The following NEBL variants were observed in gnomAD, a reference collection of about 807,000 sequenced individuals.
NEBL encodes the protein LIM and SH3 protein 2.
Under a neutral mutation model 140.2 loss-of-function variants are expected in NEBL, and 122 were observed. The ratio of observed to expected loss-of-function variants is 0.87; its 90% CI spans 0.75 to 1.01. The LOEUF is 1.01. Ranked by LOEUF, NEBL falls within the 50% of genes least tolerant of loss-of-function variation. The pLI is 0.00. For missense variants in NEBL, 1,365 were observed against 1,231.3 expected, an observed-to-expected ratio of 1.11 and a Z score of -1.62; for synonymous variants, 436 against 398.9, an observed-to-expected ratio of 1.09 and a Z score of -1.11.
chr10:20,823,162 T>C, intron 19 of NEBL, 46 bp downstream of exon 19: 6 of 1,366,272 alleles, frequency 4.4e-6, no homozygotes, highest in Non-Finnish European at 6.2e-6. Context: ...CATTACGTGT[T>C]GATATACAAT....
rs577522150 is a variant in NEBL, at chr10:20,957,486, C to T, written c.357+4186G>A. ...TAGCAAAAAAGGATATTTGGGAAAG[C>T]GGACAGATAATTAAAATTGTGAACA... On this transcript the variant is annotated intron_variant, in intron 4 of 6. Coordinates refer to the NEBL transcript ENST00000417816. Among the ~76,000 whole-genome samples, 7 of 151,966 alleles carry T rather than the reference C, an allele frequency of 4.6e-5. No homozygotes were observed. In the East Asian group the frequency reaches 9.7e-4, roughly 21 times the overall value.
chr10:21,111,137 A>G (rs1250473878), intron 2 of NEBL, among the ~76,000 whole-genome samples: 1 of 152,234 alleles, frequency 6.6e-6, no homozygotes, highest in African/African-American at 2.4e-5. Context: ...ATGGATAAGA[A>G]GAATCAATAT....
intron 10 of NEBL, among the ~76,000 whole-genome samples, chr10:20,851,330 C>A (rs943745406): frequency 1.3e-5 from 2 of 151,772 alleles, no homozygotes; most frequent in Admixed American, 6.6e-5. Flanking sequence ...TAATTCAACC[C>A]AAGAGAAATT....
At position 21,049,432 on chromosome 10, in the gene NEBL, G is replaced by T. The variant is rs534520615; in HGVS notation, c.165-29231C>A. ...TAGCAAAATTATTTATTCTAACCAA[G>T]CTCATAAGAAGATTGATTACACGTC... is the stretch of plus-strand genomic sequence containing the variant. On this transcript the variant is annotated intron_variant, in intron 2 of 6. Coordinates refer to the NEBL transcript ENST00000417816. 1.7e-3 allele frequency among the ~76,000 whole-genome samples: 262 copies of T among 152,242 alleles called. 2 individuals are homozygous for T. The highest frequency in any genetic ancestry group is 5.7e-3 in the African/African-American group (236 of 41,554).
Position 21,213,232 on chromosome 10 carries a change from T to G in NEBL, n.348+34689A>C, listed in dbSNP as rs1308720141. 4.6e-5 allele frequency among the ~76,000 whole-genome samples: 7 copies of G among 152,204 alleles called. No homozygotes were observed. The East Asian group carries it at 1.3e-3, about 29-fold the overall frequency. ...GATAAGCTTGACAGGCAAATTTCAG[T>G]TGATGGTTCAGTTTCCTTGAACTTG... On this transcript the variant is annotated intron_variant and non_coding_transcript_variant, in intron 3 of 8. Transcript: ENST00000675702.
At chr10:21,055,486 C>A (rs1372108145) in intron 2 of NEBL, among the ~76,000 whole-genome samples, 1 of 152,158 alleles carries the variant, frequency 6.6e-6, no homozygotes, top group Non-Finnish European at 1.5e-5. Context: ...GATCGTGTGA[C>A]ATAAATGAAA....
chr10:21,008,915 A>C (rs967670442), intron 3 of NEBL, among the ~76,000 whole-genome samples: 2 of 151,518 alleles, frequency 1.3e-5, no homozygotes, highest in African/African-American at 4.8e-5. Context: ...ATCTACATAC[A>C]TGTATATTAC....
chr10:21,189,752 C>T (rs1276309162), intron 3 of NEBL, among the ~76,000 whole-genome samples: 1 of 152,206 alleles, frequency 6.6e-6, no homozygotes, highest in East Asian at 1.9e-4. Context: ...CAGGCATGAG[C>T]CACCGCGCCT....
At chr10:21,197,907 C>T (rs189050498) in intron 3 of NEBL, among the ~76,000 whole-genome samples, 2 of 152,224 alleles carry the variant, frequency 1.3e-5, no homozygotes, top group East Asian at 1.9e-4. Context: ...AATTCCATTC[C>T]TCCAGCCCCT....
rs150136407 is a variant in NEBL at position 21,090,479 on chromosome 10, T to C, written c.165-70278A>G. Among the ~76,000 whole-genome samples the C allele has an allele frequency of 6.1e-3, 925 of 152,348 alleles. 5 individuals carry two copies. Among genetic ancestry groups the C allele is most frequent in the Middle Eastern group, 0.017 (5 of 294 alleles). On this transcript the variant is annotated intron_variant, in intron 2 of 6. Transcript: ENST00000417816. ...TATACAGGAGGATGCGTGTAGGTTATATGAAAACACTTTGCCATTTTATGT... is the reference window on the plus strand; with the variant it reads ...TATACAGGAGGATGCGTGTAGGTTACATGAAAACACTTTGCCATTTTATGT...
At chr10:21,073,003 A>G (rs1835888747) in intron 2 of NEBL, among the ~76,000 whole-genome samples, 1 of 151,926 alleles carries the variant, frequency 6.6e-6, no homozygotes, top group South Asian at 2.1e-4. Context: ...AAAAAGAAAA[A>G]GGGAGAGAGA....
chr10:21,175,383 G>A (rs993344917), upstream of NEBL, among the ~76,000 whole-genome samples: 1 of 152,302 alleles, frequency 6.6e-6, no homozygotes, highest in Non-Finnish European at 1.5e-5. Context: ...AGTCAGCTAG[G>A]ATTATTATAA....
At chr10:20,897,586 C>T, upstream of NEBL, 1 of 1,031,438 alleles carries the variant, frequency 9.7e-7, no homozygotes, top group Non-Finnish European at 1.2e-6. Context: ...GAAAACTACT[C>T]AGCTCTAACA....
chr10:20,937,155 C>G (rs552414963), intron 4 of NEBL, among the ~76,000 whole-genome samples: 2 of 152,198 alleles, frequency 1.3e-5, no homozygotes, highest in Non-Finnish European at 2.9e-5. Flanking sequence ...CCATGCTAAA[C>G]TGGTTTTCCC....
intron 2 of NEBL, among the ~76,000 whole-genome samples, chr10:21,026,528 T>C (rs1340363378): frequency 6.6e-6 from 1 of 152,236 alleles, no homozygotes; most frequent in African/African-American, 2.4e-5. Flanking sequence ...CCTTAATCTT[T>C]TGCCATATTC....
chr10:21,205,606 T>G (rs770811801), intron 3 of NEBL, among the ~76,000 whole-genome samples: 1 of 152,122 alleles, frequency 6.6e-6, no homozygotes, highest in Non-Finnish European at 1.5e-5. Context: ...TGGACAAAAT[T>G]CTGAAAGAAT....
chr10:21,202,461 C>CTTTTTTTTT lies in NEBL; in HGVS notation n.349-29993_349-29985dup, dbSNP rs35623208. 3.5e-3 allele frequency among the ~76,000 whole-genome samples: 407 copies of CTTTTTTTTT among 117,280 alleles called. 13 individuals are homozygous for CTTTTTTTTT. Among genetic ancestry groups the CTTTTTTTTT allele is most frequent in the African/African-American group, 8.1e-3 (239 of 29,400 alleles). 76.9% of individuals were successfully genotyped at this position (117,280 alleles called of 152,430 possible). A position where few individuals can be genotyped will look rare whatever the true frequency, so the allele number is the denominator to read the frequency against. ...ACCTTCTAATTTTTCTTTTCTTTTTCTTTTTTTTTTTTTTTTTTTTGAAAC... is the reference window on the plus strand; with the variant it reads ...ACCTTCTAATTTTTCTTTTCTTTTTCTTTTTTTTTTTTTTTTTTTTTTTTTTTTTGAAAC... On this transcript the variant is annotated intron_variant and non_coding_transcript_variant, in intron 3 of 8. Coordinates refer to the NEBL transcript ENST00000675702.
intron 2 of NEBL, among the ~76,000 whole-genome samples, chr10:21,150,655 AAGAC>A (rs1192758953): frequency 6.6e-6 from 1 of 152,254 alleles, no homozygotes; most frequent in Non-Finnish European, 1.5e-5. Context: ...AAAAGTTTAA[AAGAC>A]AGAATCATTA....
chr10:20,883,481 G>T (rs979124911), intron 4 of NEBL, among the ~76,000 whole-genome samples: 1 of 152,196 alleles, frequency 6.6e-6, no homozygotes, highest in East Asian at 1.9e-4. Flanking sequence ...CCATTCAGGT[G>T]GAGAAAGTCC....
Sources: gnomAD v4.1 joint callset for allele counts (sites outside exome capture counted in the v4.1 genomes callset) on GRCh38, gnomAD v4.1.1 for gene constraint, MANE v1.5 for transcripts, NCBI Gene and HGNC (gene_info 2026-07-23, HGNC 2026-07-21) for gene names.